Variants in ZNF469 observed in about 807,000 individuals in gnomAD.
ZNF469 encodes the protein zinc finger protein 469.
In ZNF469, 1 loss-of-function variant was observed where a neutral mutation model predicts 1.0. That is an observed-to-expected ratio of 1.00 (90% CI 0.35 to 4.73). The LOEUF (loss-of-function observed/expected upper bound fraction) is 4.73, where lower values mean the gene tolerates loss of function less well. Ranked by LOEUF, ZNF469 falls within the 30% of genes most tolerant of loss-of-function variation. The pLI is 0.16. For missense variants in ZNF469, 6,100 were observed against 5,356.3 expected, an observed-to-expected ratio of 1.14 and a Z score of -4.33; for synonymous variants, 2,703 against 2,363.4, an observed-to-expected ratio of 1.14 and a Z score of -4.17.
At chr16:88,274,810 A>G in the ZNF469 span, among the ~76,000 whole-genome samples, 1 of 152,194 alleles carries the variant, frequency 6.6e-6, no homozygotes, top group African/African-American at 2.4e-5. Context: ...GCCCTCACTC[A>G]TGGCCGTAGG....
At chr16:88,342,771 A>C in the ZNF469 span, among the ~76,000 whole-genome samples, 1 of 152,220 alleles carries the variant, frequency 6.6e-6, no homozygotes, top group Non-Finnish European at 1.5e-5. Flanking sequence ...GCATAAGTGT[A>C]AGACTCTAGC....
rs1489402060 is a variant in ZNF469, at chr16:88,436,690, A to G, written c.9220A>G (p.Ser3074Gly). ...FEDPVGLPGP[S>G]FLDFEGTASS... is the part of the protein sequence containing the mutation. ...AGACCCCGTGGGTCTCCCCGGCCCCAGCTTCTTAGACTTCGAGGGCACGGC... is the reference window on the plus strand; with the variant it reads ...AGACCCCGTGGGTCTCCCCGGCCCCGGCTTCTTAGACTTCGAGGGCACGGC... Residue 3074 changes from serine to glycine, a missense_variant, in exon 3 of 3, where the codon AGC (serine) becomes GGC (glycine). Ser to Gly is a moderately conservative substitution (Grantham distance 56). Transcript: ENST00000565624. 3.9e-6 allele frequency: 6 copies of G among 1,550,048 alleles called. No individual in the cohort carries two copies. Among genetic ancestry groups the G allele is most frequent in the Non-Finnish European group, 5.2e-6 (6 of 1,146,858 alleles).
the ZNF469 span, among the ~76,000 whole-genome samples, chr16:88,360,883 C>T: frequency 1.7e-3 from 260 of 152,226 alleles, no homozygotes; most frequent in African/African-American, 5.8e-3. Context: ...CCTCAGGGAC[C>T]GGTTTCATGG....
the ZNF469 span, among the ~76,000 whole-genome samples, chr16:88,135,748 G>GTTTTTTTTTTTTTTT: frequency 3.0e-5 from 2 of 66,930 alleles, no homozygotes; most frequent in African/African-American, 9.8e-5. Flanking sequence ...AGCTGGCCAT[G>GTTTTTTTTTTTTTTT]TTTTTTTTTT....
At chr16:88,253,719 A>C in the ZNF469 span, among the ~76,000 whole-genome samples, 1 of 151,938 alleles carries the variant, frequency 6.6e-6, no homozygotes, top group Non-Finnish European at 1.5e-5. Flanking sequence ...TTGTATTTTT[A>C]GTAGAGACAG....
At chr16:88,331,216 TCACCACCAC>T in the ZNF469 span, among the ~76,000 whole-genome samples, 4 of 131,604 alleles carry the variant, frequency 3.0e-5, no homozygotes, top group Non-Finnish European at 5.0e-5. Context: ...ATCACAACCG[TCACCACCAC>T]CACCATCACC....
At chr16:88,382,837 C>T (rs1471634238), upstream of ZNF469, among the ~76,000 whole-genome samples, 1 of 152,060 alleles carries the variant, frequency 6.6e-6, no homozygotes, top group African/African-American at 2.4e-5. Flanking sequence ...CCTCAGGGCC[C>T]CCCATCGCCG....
the ZNF469 span, among the ~76,000 whole-genome samples, chr16:88,328,425 C>T: frequency 1.2e-4 from 19 of 152,290 alleles, no homozygotes; most frequent in African/African-American, 3.1e-4. Context: ...CCCAGGAAAA[C>T]GCCATGGCAG....
chr16:88,134,017 C>G, the ZNF469 span, among the ~76,000 whole-genome samples: 1 of 152,082 alleles, frequency 6.6e-6, no homozygotes. Flanking sequence ...ATCAATAGAA[C>G]CCCCCCGGAG....
the ZNF469 span, among the ~76,000 whole-genome samples, chr16:88,184,916 A>G: frequency 2.0e-5 from 3 of 152,038 alleles, no homozygotes; most frequent in Admixed American, 2.0e-4. Flanking sequence ...CACTCACACA[A>G]TAGGCTGTTA....
the ZNF469 span, among the ~76,000 whole-genome samples, chr16:88,355,235 G>C: frequency 6.2e-4 from 95 of 152,312 alleles, 1 homozygote; most frequent in African/African-American, 2.2e-3. Context: ...GAACACCCAT[G>C]GCTGGAGGTG....
chr16:88,193,000 GTGA>G, the ZNF469 span, among the ~76,000 whole-genome samples: 44 of 134,670 alleles, frequency 3.3e-4, no homozygotes, highest in African/African-American at 7.9e-4. Flanking sequence ...GGTGGTGGTG[GTGA>G]TGGTGGTGAT....
chr16:88,342,770 T>C, the ZNF469 span, among the ~76,000 whole-genome samples: 2 of 152,226 alleles, frequency 1.3e-5, no homozygotes, highest in Non-Finnish European at 2.9e-5. Flanking sequence ...TGCATAAGTG[T>C]AAGACTCTAG....
chr16:88,324,199 G>A, the ZNF469 span, among the ~76,000 whole-genome samples: 2 of 152,274 alleles, frequency 1.3e-5, no homozygotes, highest in African/African-American at 4.8e-5. Flanking sequence ...GTCCCAAGAG[G>A]CAGGAAGTAG....
chr16:88,420,186 T>G (rs1324025224), intron 1 of ZNF469, among the ~76,000 whole-genome samples: 1 of 152,232 alleles, frequency 6.6e-6, no homozygotes, highest in African/African-American at 2.4e-5. Flanking sequence ...ACCCCACGCT[T>G]TCCGCTCTCC....
At chr16:88,286,085 C>T in the ZNF469 span, among the ~76,000 whole-genome samples, 2 of 152,250 alleles carry the variant, frequency 1.3e-5, no homozygotes, top group Non-Finnish European at 2.9e-5. Context: ...CTCCATCGTG[C>T]CCCATTGCTG....
At chr16:88,149,926 G>A in the ZNF469 span, among the ~76,000 whole-genome samples, 1 of 152,304 alleles carries the variant, frequency 6.6e-6, no homozygotes, top group East Asian at 1.9e-4. Flanking sequence ...CCATCCTCCA[G>A]CTTTGCTGTG....
the ZNF469 span, among the ~76,000 whole-genome samples, chr16:88,211,717 A>G: frequency 2.6e-5 from 4 of 151,278 alleles, no homozygotes; most frequent in African/African-American, 7.3e-5. Context: ...CTTTTTCTGG[A>G]TTTTTCCTCC....
the ZNF469 span, among the ~76,000 whole-genome samples, chr16:88,227,623 T>C: frequency 1.8e-4 from 27 of 146,022 alleles, no homozygotes; most frequent in Non-Finnish European, 3.6e-4. Flanking sequence ...CATCTCCCTG[T>C]GTCCCCGTCT....
Sources: allele counts gnomAD v4.1 joint callset (sites outside exome capture counted in the v4.1 genomes callset), GRCh38; gene constraint gnomAD v4.1.1; transcripts MANE v1.5; gene names NCBI Gene and HGNC (gene_info 2026-07-23, HGNC 2026-07-21).